SLC6A15: variants seen among roughly 807,000 people sequenced by gnomAD.
SLC6A15 encodes sodium-dependent neutral amino acid transporter B(0)AT2.
A neutral mutation model predicts 68.5 loss-of-function variants in SLC6A15; 33 were observed. That is an observed-to-expected ratio of 0.48 (90% CI 0.37 to 0.64). The LOEUF (loss-of-function observed/expected upper bound fraction) is 0.64, where lower values mean the gene tolerates loss of function less well. SLC6A15 is among the 30% of genes least tolerant of loss of function. The probability of loss-of-function intolerance (pLI) is 0.00; values close to 1 mark genes in which losing one functional copy is unlikely to be tolerated. For synonymous variants in SLC6A15, 347 were observed against 301.0 expected, an observed-to-expected ratio of 1.15 and a Z score of -1.58; for missense variants, 747 against 874.3, an observed-to-expected ratio of 0.85 and a Z score of 1.84.
At chr12:84,889,447 T>C (rs561863963) in intron 2 of SLC6A15, among the ~76,000 whole-genome samples, 4 of 150,494 alleles carry the variant, frequency 2.7e-5, no homozygotes, top group African/African-American at 7.5e-5. Flanking sequence ...CAGACAGAGA[T>C]TGCGCCACTG....
At chr12:84,875,282 G>A (rs1017182165) in intron 6 of SLC6A15, among the ~76,000 whole-genome samples, 15 of 151,762 alleles carry the variant, frequency 9.9e-5, no homozygotes, top group Non-Finnish European at 4.4e-5. Context: ...GCTGAAACTC[G>A]TAAATCTTAA....
chr12:84,876,103 GAAA>G (rs1333131661), intron 6 of SLC6A15, among the ~76,000 whole-genome samples: 1 of 147,568 alleles, frequency 6.8e-6, no homozygotes, highest in Non-Finnish European at 1.5e-5. Flanking sequence ...TTTTTTTTGG[GAAA>G]AAAAATCCTC....
At chr12:84,868,068 G>T (rs1871135711) in intron 9 of SLC6A15, among the ~76,000 whole-genome samples, 1 of 152,072 alleles carries the variant, frequency 6.6e-6, no homozygotes, top group Admixed American at 6.6e-5. Flanking sequence ...GAGTAGTAAT[G>T]GCAGCTAAGG....
intron 5 of SLC6A15, among the ~76,000 whole-genome samples, chr12:84,880,471 T>C (rs1013423136): frequency 1.3e-5 from 2 of 152,218 alleles, no homozygotes; most frequent in Non-Finnish European, 2.9e-5. Context: ...TAAATTTGTT[T>C]ATTGTTTGCT....
At chr12:84,911,660 T>C (rs536625197) in intron 1 of SLC6A15, among the ~76,000 whole-genome samples, 6 of 152,332 alleles carry the variant, frequency 3.9e-5, no homozygotes, top group Admixed American at 3.3e-4. Context: ...TTCATTCTTA[T>C]GTATCCAGTT....
At chr12:84,888,269 A>T (rs1872215699) in intron 2 of SLC6A15, among the ~76,000 whole-genome samples, 1 of 151,408 alleles carries the variant, frequency 6.6e-6, no homozygotes, top group Non-Finnish European at 1.5e-5. Context: ...GTCGAAAAAA[A>T]AAAAAAAGCC....
intron 1 of SLC6A15, among the ~76,000 whole-genome samples, chr12:84,910,613 A>C (rs1376107345): frequency 2.0e-5 from 3 of 152,182 alleles, no homozygotes; most frequent in African/African-American, 7.2e-5. Context: ...CCGTCTAACC[A>C]ACTGACCACG....
intron 1 of SLC6A15, among the ~76,000 whole-genome samples, chr12:84,896,287 T>C (rs1003068365): frequency 6.6e-6 from 1 of 152,162 alleles, no homozygotes; most frequent in Non-Finnish European, 1.5e-5. Context: ...CCATCTGTAT[T>C]TTGTAAAAAA....
chr12:84,892,221 G>T lies in SLC6A15; in HGVS notation c.-101C>A. 1 of 1,079,944 alleles carries T rather than the reference G, an allele frequency of 9.3e-7. No individual in the cohort carries two copies. Among genetic ancestry groups the T allele is most frequent in the Non-Finnish European group, 1.3e-6 (1 of 763,032 alleles). The allele number at this position is 1,079,944 out of a possible 1,614,324, so 66.9% of individuals were successfully genotyped here. A position where few individuals can be genotyped will look rare whatever the true frequency, so the allele number is the denominator to read the frequency against. ...ACAATGTTACTTGATAGGAAGTAAA[G>T]ACCGAGGATGATATCAAATAAATCC... is the stretch of plus-strand genomic sequence containing the variant. On this transcript the variant is annotated 5_prime_UTR_variant, in exon 2 of 12. Transcript: ENST00000266682.
At chr12:84,885,879 AT>A in intron 3 of SLC6A15, 31 bp downstream of exon 3, 2 of 1,567,510 alleles carry the variant, frequency 1.3e-6, no homozygotes, top group South Asian at 2.4e-5. Flanking sequence ...CCCTATAAAG[AT>A]TACAGCATAC....
intron 9 of SLC6A15, among the ~76,000 whole-genome samples, 161 bp downstream of exon 9, chr12:84,870,312 TTAAAA>T (rs546188265): frequency 6.7e-6 from 1 of 150,164 alleles, no homozygotes; most frequent in Non-Finnish European, 1.5e-5. Context: ...AATTATACAA[TTAAAA>T]TAAAATAAAA....
intron 1 of SLC6A15, among the ~76,000 whole-genome samples, chr12:84,908,032 C>G (rs925124778): frequency 1.3e-5 from 2 of 151,988 alleles, no homozygotes; most frequent in African/African-American, 4.8e-5. Flanking sequence ...TTAAGGAGAG[C>G]CTGGGGACTG....
rs1375178646 is a variant in SLC6A15, at chr12:84,900,959, TATATA to T, written c.-188-8656_-188-8652del. 4.9e-3 allele frequency among the ~76,000 whole-genome samples: 715 copies of T among 146,144 alleles called. 2 individuals are homozygous for T. Among genetic ancestry groups the T allele is most frequent in the African/African-American group, 0.014 (566 of 39,504 alleles). ...GTATATATGTGTATAGATATGTATA[TATATA>T]CATACATATATACATGTATATATGT... On this transcript the variant is annotated intron_variant, in intron 1 of 11. Coordinates refer to ENST00000266682, the MANE Select transcript of SLC6A15 (RefSeq NM_182767.6).
intron 1 of SLC6A15, among the ~76,000 whole-genome samples, chr12:84,901,078 GTA>G (rs1260618129): frequency 1.0e-3 from 152 of 148,068 alleles, no homozygotes; most frequent in South Asian, 1.9e-3. Flanking sequence ...GTGTGTGTGT[GTA>G]TATATATATA....
At chr12:84,866,577 A>G (rs1871075124) in intron 10 of SLC6A15, among the ~76,000 whole-genome samples, 1 of 152,188 alleles carries the variant, frequency 6.6e-6, no homozygotes, top group Non-Finnish European at 1.5e-5. Context: ...ATTTAGCAAT[A>G]TAATTAGGAG....
intron 1 of SLC6A15, among the ~76,000 whole-genome samples, chr12:84,894,633 TA>T (rs1174591739): frequency 2.0e-5 from 3 of 152,150 alleles, no homozygotes; most frequent in Non-Finnish European, 4.4e-5. Flanking sequence ...TATACATTTA[TA>T]TTCTTTGGAC....
intron 2 of SLC6A15, among the ~76,000 whole-genome samples, chr12:84,889,353 G>C (rs1872273410): frequency 6.6e-6 from 1 of 151,986 alleles, no homozygotes; most frequent in Non-Finnish European, 1.5e-5. Context: ...AGCTGGGCGC[G>C]GTGGCGGGCG....
At chr12:84,891,703 G>T in intron 2 of SLC6A15, 129 bp downstream of exon 2, 1 of 963,722 alleles carries the variant, frequency 1.0e-6, no homozygotes, top group Non-Finnish European at 1.5e-6. Flanking sequence ...CCACAAAGAA[G>T]TGGGTTTCTC....
chr12:84,878,295 T>A (rs1029038656), intron 5 of SLC6A15, among the ~76,000 whole-genome samples: 2 of 152,204 alleles, frequency 1.3e-5, no homozygotes, highest in Non-Finnish European at 2.9e-5. Context: ...TTCACTCAAA[T>A]TTTTTGATTT....
Sources: gnomAD v4.1 joint callset for allele counts (sites outside exome capture counted in the v4.1 genomes callset) on GRCh38, gnomAD v4.1.1 for gene constraint, MANE v1.5 for transcripts, NCBI Gene and HGNC (gene_info 2026-07-23, HGNC 2026-07-21) for gene names.